The following USP30 variants were observed in gnomAD, a reference collection of about 807,000 sequenced individuals.
The protein encoded by USP30 is ubiquitin carboxyl-terminal hydrolase 30.
Under a neutral mutation model 68.2 loss-of-function variants are expected in USP30, and 41 were observed. The ratio of observed to expected loss-of-function variants is 0.60; its 90% confidence interval spans 0.47 to 0.78. The LOEUF is 0.78. Among genes scored for constraint, USP30 ranks in the 30% least tolerant of loss-of-function variants. USP30 has a pLI of 0.00. For missense variants in USP30, 522 were observed against 649.4 expected (o/e 0.80, Z 2.13); for synonymous variants, 229 against 253.7 (o/e 0.90, Z 0.93).
intron 3 of USP30, among the ~76,000 whole-genome samples, chr12:109,038,543 G>T (rs1032175851): frequency 6.6e-6 from 1 of 151,952 alleles, no homozygotes; most frequent in South Asian, 2.1e-4. Context: ...CTTCAGCAAT[G>T]AATGCTATTT....
intron 7 of USP30, among the ~76,000 whole-genome samples, chr12:109,076,041 T>C (rs2041593486): frequency 6.6e-6 from 1 of 152,136 alleles, no homozygotes; most frequent in Non-Finnish European, 1.5e-5. Context: ...TGACATTACC[T>C]TGAAGACTAA....
chr12:109,034,593 T>C (rs1037781818), intron 3 of USP30, among the ~76,000 whole-genome samples: 1 of 152,148 alleles, frequency 6.6e-6, no homozygotes, highest in African/African-American at 2.4e-5. Flanking sequence ...AGAAAATGCA[T>C]TCTGCTGCTG....
intron 3 of USP30, among the ~76,000 whole-genome samples, chr12:109,066,600 G>A (rs112834387): frequency 0.06 from 9,129 of 152,182 alleles, 377 homozygotes; most frequent in East Asian, 0.14. Context: ...CAGGAGAATC[G>A]CTTGAACCCA....
At chr12:109,083,722 C>G (rs1031358987) in intron 11 of USP30, among the ~76,000 whole-genome samples, 1 of 152,158 alleles carries the variant, frequency 6.6e-6, no homozygotes, top group African/African-American at 2.4e-5. Context: ...GGAAAACCCA[C>G]TCACTTGAAG....
intron 11 of USP30, among the ~76,000 whole-genome samples, chr12:109,083,644 A>G (rs1204167045): frequency 6.6e-6 from 1 of 152,118 alleles, no homozygotes; most frequent in Non-Finnish European, 1.5e-5. Context: ...TGGCCCTAGA[A>G]TGCCATGTTG....
intron 3 of USP30, among the ~76,000 whole-genome samples, chr12:109,046,938 C>T (rs1469368165): frequency 6.6e-6 from 1 of 152,084 alleles, no homozygotes; most frequent in Non-Finnish European, 1.5e-5. Flanking sequence ...CTCAGGTGAT[C>T]CACCCGCCTG....
chr12:109,075,377 C>G (rs1412867145), intron 7 of USP30, among the ~76,000 whole-genome samples: 1 of 152,054 alleles, frequency 6.6e-6, no homozygotes, highest in Admixed American at 6.5e-5. Flanking sequence ...CAGACAGAGT[C>G]TCGCTCTGCT....
At chr12:109,061,517 C>CTCCATT (rs1043045584) in intron 3 of USP30, among the ~76,000 whole-genome samples, 1 of 151,842 alleles carries the variant, frequency 6.6e-6, no homozygotes, top group African/African-American at 2.4e-5. Flanking sequence ...CAAAACAATC[C>CTCCATT]TCCATTTCCA....
At chr12:109,033,869 C>A (rs539179919) in intron 3 of USP30, among the ~76,000 whole-genome samples, 196 of 152,192 alleles carry the variant, frequency 1.3e-3, no homozygotes, top group African/African-American at 4.3e-3. Flanking sequence ...ATAGCTCATC[C>A]CTCCATGAAA....
chr12:109,050,068 G>T (rs1365646683), upstream of USP30, among the ~76,000 whole-genome samples: 2 of 152,092 alleles, frequency 1.3e-5, no homozygotes, highest in Non-Finnish European at 2.9e-5. Context: ...GGCCAAGGTG[G>T]GTGGATCACA....
upstream of USP30, among the ~76,000 whole-genome samples, chr12:109,048,448 G>C (rs182204837): frequency 1.3e-5 from 2 of 151,890 alleles, no homozygotes; most frequent in Non-Finnish European, 1.5e-5. Context: ...GGGGTTGAAG[G>C]GGGGTGGAGG....
At chr12:109,058,567 C>A in intron 3 of USP30, among the ~76,000 whole-genome samples, 2 of 86,224 alleles carry the variant, frequency 2.3e-5, no homozygotes, top group Non-Finnish European at 2.3e-5. Context: ...AGCGAAACTC[C>A]GTCTCAAAAA....
Position 109,057,981 on chromosome 12 carries a change from A to G in USP30, c.249A>G (p.Leu83=). The part of the protein sequence containing the change: ...LGNTCFMNSL[L]QGLSACPAFI... ...ACACCTGCTTCATGAACTCCCTGCT[A>G]CAAGGCCTGTCTGCCTGTCCTGCTT... The change falls in exon 3 of 13, where the codon CTA becomes CTG. Residue 83 remains leucine, a synonymous_variant. Coordinates refer to ENST00000257548, the MANE Select transcript of USP30 (RefSeq NM_032663.5). 2 of 1,614,132 alleles carry G rather than the reference A, an allele frequency of 1.2e-6. No homozygotes were observed. The highest frequency in any genetic ancestry group is 1.7e-6 in the Non-Finnish European group (2 of 1,180,018).
Position 109,043,755 on chromosome 12 carries a change from C to T in USP30, c.-135-3835C>T, listed in dbSNP as rs148060080. ...ACTTCATGAAAATTTAAAACTTTTG[C>T]GCATCAAAAGACACTATCAAGAGTA... is the stretch of plus-strand genomic sequence containing the variant. On this transcript the variant is annotated intron_variant, in intron 3 of 15. Coordinates refer to the USP30 transcript ENST00000392784. Among the ~76,000 whole-genome samples, 126 of 152,192 alleles carry T rather than the reference C, an allele frequency of 8.3e-4. 1 individual carries two copies. The highest frequency in any genetic ancestry group is 1.0e-3 in the Non-Finnish European group (71 of 67,996).
chr12:109,083,169 C>A, intron 11 of USP30, 107 bp downstream of exon 11: 3 of 1,136,148 alleles, frequency 2.6e-6, no homozygotes, highest in Non-Finnish European at 3.7e-6. Flanking sequence ...AAGGCTTGTA[C>A]AATGGTGCTT....
intron 8 of USP30, chr12:109,081,618 T>TGCGC (rs373152566): frequency 0.02 from 10,217 of 500,944 alleles, 105 homozygotes; most frequent in South Asian, 0.048. Flanking sequence ...CACGCACGCA[T>TGCGC]GCGCGCACAC....
At chr12:109,028,217 G>C (rs981861809) in intron 3 of USP30, among the ~76,000 whole-genome samples, 1 of 152,152 alleles carries the variant, frequency 6.6e-6, no homozygotes, top group Non-Finnish European at 1.5e-5. Flanking sequence ...TGAATTGTTC[G>C]GGGATTTTTG....
At chr12:109,063,423 C>T (rs1283763235) in intron 3 of USP30, among the ~76,000 whole-genome samples, 1 of 152,214 alleles carries the variant, frequency 6.6e-6, no homozygotes, top group Non-Finnish European at 1.5e-5. Flanking sequence ...TATTCTGTTG[C>T]ATGTATATGC....
chr12:109,049,354 A>C (rs1271075261), upstream of USP30, among the ~76,000 whole-genome samples: 7 of 152,168 alleles, frequency 4.6e-5, no homozygotes, highest in Admixed American at 1.3e-4. Context: ...ACCTGAGAAG[A>C]GTGAGAGAGA....
Sources: gnomAD v4.1 joint callset for allele counts (sites outside exome capture counted in the v4.1 genomes callset) on GRCh38, gnomAD v4.1.1 for gene constraint, MANE v1.5 for transcripts, NCBI Gene and HGNC (gene_info 2026-07-23, HGNC 2026-07-21) for gene names.